ZNF277: variants seen among roughly 807,000 people sequenced by gnomAD.
The protein encoded by ZNF277 is nuclear receptor-interacting factor 4.
A neutral mutation model predicts 60.7 loss-of-function variants in ZNF277; 55 were observed. The observed-to-expected ratio is 0.91, with a 90% confidence interval of 0.73 to 1.13. The LOEUF (loss-of-function observed/expected upper bound fraction) is 1.13, where lower values mean the gene tolerates loss of function less well. Among genes scored for constraint, ZNF277 ranks in the 50% most tolerant of loss-of-function variants. The probability of loss-of-function intolerance (pLI) is 0.00; values close to 1 mark genes in which losing one functional copy is unlikely to be tolerated. For missense variants in ZNF277, 510 were observed against 523.0 expected, an observed-to-expected ratio of 0.98 and a Z score of 0.24; for synonymous variants, 178 against 179.3, an observed-to-expected ratio of 0.99 and a Z score of 0.06.
intron 7 of ZNF277, among the ~76,000 whole-genome samples, chr7:112,332,172 C>T (rs887038876): frequency 2.0e-5 from 3 of 152,126 alleles, no homozygotes; most frequent in Admixed American, 6.5e-5. Flanking sequence ...GCTTTAACAA[C>T]GTACAAAATG....
intron 1 of ZNF277, among the ~76,000 whole-genome samples, chr7:112,239,922 C>T (rs938324201): frequency 2.0e-5 from 3 of 152,032 alleles, no homozygotes; most frequent in African/African-American, 7.2e-5. Flanking sequence ...TAAATAGAAA[C>T]AGCAAAATGT....
At chr7:112,340,825 A>C in intron 10 of ZNF277, 47 bp from the exon 11 acceptor site, 2 of 1,540,876 alleles carry the variant, frequency 1.3e-6, no homozygotes, top group Middle Eastern at 1.7e-4. Context: ...AGTGCAAAAA[A>C]TGGGTCTGAA....
chr7:112,295,674 T>A (rs1160540543), intron 2 of ZNF277, among the ~76,000 whole-genome samples, 195 bp from the exon 3 acceptor site: 1 of 152,146 alleles, frequency 6.6e-6, no homozygotes, highest in Non-Finnish European at 1.5e-5. Flanking sequence ...TAATTCCTTT[T>A]TATTAAATCT....
At chr7:112,292,571 C>T (rs1008974028) in intron 2 of ZNF277, among the ~76,000 whole-genome samples, 1 of 152,160 alleles carries the variant, frequency 6.6e-6, no homozygotes, top group Non-Finnish European at 1.5e-5. Flanking sequence ...TATAGGGGCT[C>T]TTTCCTGTCC....
Position 112,208,307 on chromosome 7 carries a change from G to T in ZNF277, c.91+1500G>T, listed in dbSNP as rs1348108386. On this transcript the variant is annotated intron_variant, in intron 1 of 11. Transcript: ENST00000361822. ...GGAGAATCCCTTGAGCCCGGGAGGC[G>T]GAGGTTGTGGTGAGCCATGATCCAC... is the stretch of plus-strand genomic sequence containing the variant. 6.6e-5 allele frequency among the ~76,000 whole-genome samples: 10 copies of T among 152,166 alleles called. No homozygotes were observed. The East Asian group carries it at 1.7e-3, about 26-fold the overall frequency.
chr7:112,277,276 G>A (rs28602472), intron 1 of ZNF277, among the ~76,000 whole-genome samples: 8,707 of 151,854 alleles, frequency 0.057, 671 homozygotes, highest in African/African-American at 0.18. Context: ...TAGAGACGGG[G>A]TTTCACCATG....
At chr7:112,293,379 C>G (rs1306432873) in intron 2 of ZNF277, among the ~76,000 whole-genome samples, 2 of 152,018 alleles carry the variant, frequency 1.3e-5, no homozygotes, top group Admixed American at 1.3e-4. Flanking sequence ...AAGTTCAAGA[C>G]TAGCCTGGGC....
chr7:112,257,122 T>A (rs1791332086), intron 1 of ZNF277, among the ~76,000 whole-genome samples: 1 of 152,248 alleles, frequency 6.6e-6, no homozygotes, highest in African/African-American at 2.4e-5. Flanking sequence ...CATTGTGTAT[T>A]GATGACCATC....
intron 1 of ZNF277, among the ~76,000 whole-genome samples, chr7:112,264,532 G>A (rs910189778): frequency 1.3e-5 from 2 of 152,004 alleles, no homozygotes; most frequent in Non-Finnish European, 2.9e-5. Context: ...TTAGAATACT[G>A]TGGTTCTTGC....
intron 1 of ZNF277, among the ~76,000 whole-genome samples, chr7:112,260,824 C>A (rs1045829467): frequency 3.9e-5 from 6 of 152,172 alleles, no homozygotes; most frequent in African/African-American, 7.2e-5. Context: ...TCTCTGCTAC[C>A]TTTTCTGACT....
At chr7:112,282,684 A>G (rs1461955582) in intron 1 of ZNF277, among the ~76,000 whole-genome samples, 2 of 152,200 alleles carry the variant, frequency 1.3e-5, no homozygotes, top group Non-Finnish European at 2.9e-5. Context: ...CTAGATTGAG[A>G]CCTTCCTCTT....
intron 8 of ZNF277, among the ~76,000 whole-genome samples, chr7:112,336,955 A>G (rs1024738562): frequency 2.6e-5 from 4 of 152,216 alleles, no homozygotes; most frequent in African/African-American, 9.6e-5. Flanking sequence ...GATAGAGTTA[A>G]GGAAAATGTT....
intron 1 of ZNF277, among the ~76,000 whole-genome samples, chr7:112,268,130 A>G (rs1285784399): frequency 6.6e-6 from 1 of 152,142 alleles, no homozygotes; most frequent in Non-Finnish European, 1.5e-5. Context: ...CTTTTCAACT[A>G]GTGTCCAGAG....
At chr7:112,340,819 C>CA (rs1793428887) in intron 10 of ZNF277, 53 bp from the exon 11 acceptor site, 3 of 1,519,706 alleles carry the variant, frequency 2.0e-6, no homozygotes, top group Non-Finnish European at 2.7e-6. Flanking sequence ...TATAATAGTG[C>CA]AAAAAATGGG....
chr7:112,326,712 G>A (rs1273505742), intron 5 of ZNF277, among the ~76,000 whole-genome samples: 1 of 151,504 alleles, frequency 6.6e-6, no homozygotes, highest in Non-Finnish European at 1.5e-5. Context: ...CTTTCTCAAG[G>A]GGAAAAAAAA....
At chr7:112,290,907 A>G (rs1233324949) in intron 2 of ZNF277, among the ~76,000 whole-genome samples, 2 of 152,184 alleles carry the variant, frequency 1.3e-5, no homozygotes, top group Admixed American at 6.5e-5. Flanking sequence ...TTTATTTGGC[A>G]TGAACACATT....
chr7:112,245,617 C>A (rs1404284823), intron 1 of ZNF277, among the ~76,000 whole-genome samples: 13 of 151,988 alleles, frequency 8.6e-5, no homozygotes. Context: ...AGTTCAATAC[C>A]CCTCTCCTAC....
intron 5 of ZNF277, among the ~76,000 whole-genome samples, chr7:112,319,012 G>C (rs1792914989): frequency 6.6e-6 from 1 of 151,986 alleles, no homozygotes; most frequent in South Asian, 2.1e-4. Flanking sequence ...GGTCTGAGAG[G>C]GTCCTGAATA....
At chr7:112,221,942 T>A (rs1427726292) in intron 1 of ZNF277, among the ~76,000 whole-genome samples, 1 of 152,244 alleles carries the variant, frequency 6.6e-6, no homozygotes, top group Non-Finnish European at 1.5e-5. Flanking sequence ...TTTCTCCACA[T>A]CTATGGAGTC....
Sources: gnomAD v4.1 joint callset for allele counts (sites outside exome capture counted in the v4.1 genomes callset) on GRCh38, gnomAD v4.1.1 for gene constraint, MANE v1.5 for transcripts, NCBI Gene and HGNC (gene_info 2026-07-23, HGNC 2026-07-21) for gene names.